The following TSSK3 variants were observed in gnomAD, a reference collection of about 807,000 sequenced individuals.
The protein encoded by TSSK3 is testis-specific serine/threonine-protein kinase 3.
In TSSK3, 16 loss-of-function variants were observed where a neutral mutation model predicts 18.9. The ratio of observed to expected loss-of-function variants is 0.85; its 90% confidence interval spans 0.57 to 1.28. The LOEUF is 1.28. Among genes scored for constraint, TSSK3 ranks in the 50% most tolerant of loss-of-function variants. The pLI is 0.00. For missense variants in TSSK3, 345 were observed against 341.0 expected (o/e 1.01, Z -0.09); for synonymous variants, 146 against 133.9 (o/e 1.09, Z -0.62).
At chr1:32,362,877 G>GGA (rs751357075) in intron 1 of TSSK3, 31 bp downstream of exon 1, 1 of 1,612,374 alleles carries the variant, frequency 6.2e-7, no homozygotes, top group East Asian at 2.2e-5. Flanking sequence ...AGGGAAGGAG[G>GGA]GAGGACTGGC....
intron 1 of TSSK3, 64 bp downstream of exon 1, chr1:32,362,910 C>G (rs925351720): frequency 6.3e-7 from 1 of 1,574,830 alleles, no homozygotes; most frequent in African/African-American, 1.4e-5. Flanking sequence ...GTGCTTCCTC[C>G]TGTTTGTTAG....
In TSSK3 at chr1:32,363,586, C is replaced by A; in HGVS notation, c.146-9C>A. The A allele has an allele frequency of 1.2e-6, 2 of 1,601,746 alleles. No individual in the cohort carries two copies. Among genetic ancestry groups the A allele is most frequent in the Non-Finnish European group, 1.7e-6 (2 of 1,171,328 alleles). On this transcript the variant is annotated splice_polypyrimidine_tract_variant and intron_variant, in intron 1 of 1. Coordinates refer to ENST00000373534, the MANE Select transcript of TSSK3 (RefSeq NM_052841.4). Reference sequence around the variant, plus strand: ...TGCCAGCCCATCTCTCCTCCCCTTACTTCCTCAGAGTTTATCCAGAGATTC... The same window carrying A: ...TGCCAGCCCATCTCTCCTCCCCTTAATTCCTCAGAGTTTATCCAGAGATTC...
In TSSK3 at chr1:32,362,670, G is replaced by C. The variant is rs1185138579; in HGVS notation, c.-32G>C. On this transcript the variant is annotated 5_prime_UTR_variant, in exon 1 of 2. The change abolishes the stop of an existing upstream ORF in the 5' untranslated region. Transcript: ENST00000373534. ...CTGCCTCTCAGAGGCAGCATGAGCT[G>C]AGAGGGTGATAGGAAGGCGGCGCTA... 4 of 1,612,884 alleles carry C rather than the reference G, an allele frequency of 2.5e-6. No homozygotes were observed. In the African/African-American group the frequency reaches 4.0e-5, roughly 16 times the overall value.
chr1:32,363,081 CAG>C (rs1641737237), intron 1 of TSSK3: 1 of 513,588 alleles, frequency 1.9e-6, no homozygotes, highest in Non-Finnish European at 3.5e-6. Context: ...GAAGGATCCT[CAG>C]AGGCAAAACC....
chr1:32,362,797 C>T lies in TSSK3; in HGVS notation c.96C>T (p.His32=). 6.2e-7 allele frequency: 1 copy of T among 1,614,130 alleles called. No homozygotes were observed. Among genetic ancestry groups the T allele is most frequent in the Non-Finnish European group, 8.5e-7 (1 of 1,180,030 alleles). Residue 32 remains histidine (H), a synonymous_variant, in exon 1 of 2, where the codon CAC becomes CAT. Transcript: ENST00000373534. ...SKVKEAFSKK[H]QRKVAIKVID... ...TCAAAGAAGCATTTTCCAAAAAACACCAAAGAAAAGTGGCAATTAAAGTTA... is the reference window on the plus strand; with the variant it reads ...TCAAAGAAGCATTTTCCAAAAAACATCAAAGAAAAGTGGCAATTAAAGTTA...
At chr1:32,363,373 G>C in intron 1 of TSSK3, 1 of 567,698 alleles carries the variant, frequency 1.8e-6, no homozygotes, top group Admixed American at 3.0e-5. Flanking sequence ...CAGTCCACAA[G>C]GCTGGTGGGG....
Position 32,363,597 on chromosome 1 carries a change from T to A in TSSK3, c.148T>A (p.Phe50Ile). The change falls in exon 2 of 2, where the codon TTT becomes ATT. Residue 50 changes from phenylalanine (F) to isoleucine (I), a missense_variant and splice_region_variant. Transcript: ENST00000373534. ...VIDKMGGPEE[F>I]IQRFLPRELQ... Reference sequence around the variant, plus strand: ...CTCTCCTCCCCTTACTTCCTCAGAGTTTATCCAGAGATTCCTCCCTCGGGA... The same window carrying A: ...CTCTCCTCCCCTTACTTCCTCAGAGATTATCCAGAGATTCCTCCCTCGGGA... The A allele has an allele frequency of 6.2e-7, 1 of 1,608,268 alleles. No homozygotes were observed. Among genetic ancestry groups the A allele is most frequent in the Non-Finnish European group, 8.5e-7 (1 of 1,175,954 alleles).
chr1:32,364,156 C>T lies in TSSK3; in HGVS notation c.707C>T (p.Ala236Val). ...TTCCCCACTCATCTGAGCATCTCGG[C>T]CGATTGCCAGGACCTGCTCAAGAGG... ...VSFPTHLSIS[A>V]DCQDLLKRLL... The change falls in exon 2 of 2, where the codon GCC (alanine) becomes GTC (valine). Residue 236 changes from alanine to valine, a missense_variant. Ala to Val is a moderately conservative substitution (Grantham distance 64). Coordinates refer to ENST00000373534, the MANE Select transcript of TSSK3 (RefSeq NM_052841.4). The T allele has an allele frequency of 6.2e-7, 1 of 1,614,214 alleles. No homozygotes were observed. Among genetic ancestry groups the T allele is most frequent in the Admixed American group, 1.7e-5 (1 of 60,032 alleles).
rs557990667 is a variant in TSSK3 at position 32,363,316 on chromosome 1, A to C, written c.146-279A>C. 7 of 448,552 alleles carry C rather than the reference A, an allele frequency of 1.6e-5. No homozygotes were observed. In the East Asian group the frequency reaches 1.9e-4, roughly 12 times the overall value. The allele number at this position is 448,552 out of a possible 1,614,324, so 27.8% of individuals were successfully genotyped here. A position where few individuals can be genotyped will look rare whatever the true frequency, so the allele number is the denominator to read the frequency against. ...ATTTGTGATTCTGTGGCTTTGTCTA[A>C]AAGTCCCTAAAGCACCTTGATATCC... On this transcript the variant is annotated intron_variant, in intron 1 of 1. Coordinates refer to ENST00000373534, the MANE Select transcript of TSSK3 (RefSeq NM_052841.4).
At chr1:32,363,422 T>C (rs1641746792) in intron 1 of TSSK3, 173 bp from the exon 2 acceptor site, 9 of 647,184 alleles carry the variant, frequency 1.4e-5, no homozygotes, top group Non-Finnish European at 2.4e-5. Context: ...ACAAAAATAA[T>C]AGAAGTGAAC....
chr1:32,363,892 A>T lies in TSSK3; in HGVS notation c.443A>T (p.Lys148Met). Residue 148 changes from lysine (K) to methionine (M), a missense_variant, in exon 2 of 2, where the codon AAG becomes ATG. Physicochemically the swap from Lys to Met is moderately conservative, Grantham distance 95. Transcript: ENST00000373534. Reference sequence around the variant, plus strand: ...GCCTTGTTGCAGGGCTTCAACCTGAAGCTGACTGACTTTGGCTTTGCCAAG... The same window carrying T: ...GCCTTGTTGCAGGGCTTCAACCTGATGCTGACTGACTTTGGCTTTGCCAAG... ...ENALLQGFNLKLTDFGFAKVL... is the reference protein window; with the variant it reads ...ENALLQGFNLMLTDFGFAKVL... 1.2e-6 allele frequency: 2 copies of T among 1,614,218 alleles called. No homozygotes were observed. Among genetic ancestry groups the T allele is most frequent in the Non-Finnish European group, 1.7e-6 (2 of 1,180,050 alleles).
intron 1 of TSSK3, 23 bp downstream of exon 1, chr1:32,362,869 G>T: frequency 6.2e-7 from 1 of 1,613,366 alleles, no homozygotes; most frequent in South Asian, 1.1e-5. Context: ...CCCTTTGGAG[G>T]GAAGGAGGGA....
At position 32,364,043 on chromosome 1, in the gene TSSK3, G is replaced by A; in HGVS notation, c.594G>A (p.Val198=). 6.2e-7 allele frequency: 1 copy of A among 1,614,252 alleles called. No individual in the cohort carries two copies. The highest frequency in any genetic ancestry group is 8.5e-7 in the Non-Finnish European group (1 of 1,180,048). The change falls in exon 2 of 2, where the codon GTG becomes GTA. Residue 198 remains valine, a synonymous_variant. Coordinates refer to ENST00000373534, the MANE Select transcript of TSSK3 (RefSeq NM_052841.4). ...SKKGDVWSMG[V]VLYVMLCASL... is the part of the protein sequence containing the mutation. ...AAGGTGATGTCTGGAGCATGGGTGT[G>A]GTCCTGTATGTCATGCTCTGTGCCA...
intron 1 of TSSK3, 156 bp from the exon 2 acceptor site, chr1:32,363,439 T>G (rs919858439): frequency 5.8e-6 from 4 of 683,868 alleles, no homozygotes; most frequent in Non-Finnish European, 7.3e-6. Context: ...GAACATTCTT[T>G]GCAATGTCCA....
Position 32,364,063 on chromosome 1 carries a change from G to A in TSSK3, c.614G>A (p.Cys205Tyr). The change falls in exon 2 of 2, where the codon TGT becomes TAT. Residue 205 changes from cysteine (C) to tyrosine (Y), a missense_variant. Transcript: ENST00000373534. ...SMGVVLYVMLCASLPFDDTDI... is the reference protein window; with the variant it reads ...SMGVVLYVMLYASLPFDDTDI... ...GGTGTGGTCCTGTATGTCATGCTCT[G>A]TGCCAGCCTACCTTTTGACGACACA... 1 of 1,614,242 alleles carries A rather than the reference G, an allele frequency of 6.2e-7. No homozygotes were observed. The highest frequency in any genetic ancestry group is 8.5e-7 in the Non-Finnish European group (1 of 1,180,036).
In TSSK3 at chr1:32,364,124, G is replaced by C; in HGVS notation, c.675G>C (p.Gly225=). The C allele has an allele frequency of 6.2e-7, 1 of 1,614,218 alleles. No homozygotes were observed. Among genetic ancestry groups the C allele is most frequent in the Non-Finnish European group, 8.5e-7 (1 of 1,180,038 alleles). The stretch of plus-strand genomic sequence containing the variant: ...AGATGCTGTGGCAGCAGCAGAAGGG[G>C]GTGTCCTTCCCCACTCATCTGAGCA... ...IPKMLWQQQK[G]VSFPTHLSIS... Residue 225 remains glycine, a synonymous_variant, in exon 2 of 2, where the codon GGG becomes GGC. Coordinates refer to ENST00000373534, the MANE Select transcript of TSSK3 (RefSeq NM_052841.4).
At chr1:32,363,226 G>A in intron 1 of TSSK3, 1 of 349,562 alleles carries the variant, frequency 2.9e-6, no homozygotes, top group South Asian at 3.8e-5. Context: ...GGAAAGAATT[G>A]TGGGGTCAGG....
Position 32,362,793 on chromosome 1 carries a change from A to G in TSSK3, c.92A>G (p.Lys31Arg). The G allele has an allele frequency of 6.2e-7, 1 of 1,614,240 alleles. No individual in the cohort carries two copies. Among genetic ancestry groups the G allele is most frequent in the Non-Finnish European group, 8.5e-7 (1 of 1,180,042 alleles). Residue 31 changes from lysine (K) to arginine (R), a missense_variant, in exon 1 of 2, where the codon AAA becomes AGA. Transcript: ENST00000373534. ...AAAGTCAAAGAAGCATTTTCCAAAA[A>G]ACACCAAAGAAAAGTGGCAATTAAA... Reference protein sequence around the residue: ...YSKVKEAFSKKHQRKVAIKVI... With the variant: ...YSKVKEAFSKRHQRKVAIKVI...
chr1:32,362,555 C>A lies in TSSK3; in HGVS notation c.-147C>A. The A allele has an allele frequency of 1.1e-6, 1 of 932,650 alleles. No individual in the cohort carries two copies. The highest frequency in any genetic ancestry group is 1.6e-6 in the Non-Finnish European group (1 of 613,608). The allele number at this position is 932,650 out of a possible 1,614,324, so 57.8% of individuals were successfully genotyped here. ...CCCTCCCCACCACCCGCCGCTGTGT[C>A]CAGACAGAGAATGTTCTAACGCTGG... On this transcript the variant is annotated 5_prime_UTR_variant, in exon 1 of 2. Transcript: ENST00000373534.
Sources: allele counts gnomAD v4.1 joint callset, GRCh38; gene constraint gnomAD v4.1.1; transcripts MANE v1.5; gene names NCBI Gene and HGNC (gene_info 2026-07-23, HGNC 2026-07-21).